CDKAL1: variants seen among roughly 807,000 people sequenced by gnomAD.
CDKAL1 encodes the protein CDKAL1 threonylcarbamoyladenosine tRNA methylthiotransferase.
Under a neutral mutation model 68.2 loss-of-function variants are expected in CDKAL1, and 32 were observed. The ratio of observed to expected loss-of-function variants is 0.47; its 90% CI spans 0.35 to 0.63. The LOEUF (loss-of-function observed/expected upper bound fraction) is 0.63, where lower values mean the gene tolerates loss of function less well. Ranked by LOEUF, CDKAL1 falls within the 30% of genes least tolerant of loss-of-function variation. The pLI is 0.00. For missense variants in CDKAL1, 606 were observed against 696.7 expected (o/e 0.87, Z 1.47); for synonymous variants, 234 against 244.3 (o/e 0.96, Z 0.39).
intron 10 of CDKAL1, among the ~76,000 whole-genome samples, chr6:20,982,109 T>C (rs1245806140): frequency 1.3e-5 from 2 of 151,928 alleles, no homozygotes; most frequent in African/African-American, 4.8e-5. Flanking sequence ...CTCTCTTGCC[T>C]AGGCTGGAGT....
At chr6:21,146,104 CTCCTTAATGGG>C (rs1225299288) in intron 13 of CDKAL1, among the ~76,000 whole-genome samples, 1 of 152,308 alleles carries the variant, frequency 6.6e-6, no homozygotes, top group East Asian at 1.9e-4. Flanking sequence ...TCCTCCTCCT[CTCCTTAATGGG>C]TCTGGACTGC....
intron 9 of CDKAL1, among the ~76,000 whole-genome samples, chr6:20,942,270 A>G (rs1047176352): frequency 2.0e-5 from 3 of 150,590 alleles, no homozygotes; most frequent in Admixed American, 1.3e-4. Flanking sequence ...TTATATTTCC[A>G]TTTCCTCTTC....
At chr6:20,919,797 C>T (rs78020437) in intron 9 of CDKAL1, among the ~76,000 whole-genome samples, 3,801 of 152,282 alleles carry the variant, frequency 0.025, 147 homozygotes, top group African/African-American at 0.085. Flanking sequence ...GAACCATCCT[C>T]CCACAATAGA....
At chr6:20,824,930 T>TAGGAAAAAG (rs1194206339) in intron 8 of CDKAL1, among the ~76,000 whole-genome samples, 7 of 152,176 alleles carry the variant, frequency 4.6e-5, no homozygotes, top group Admixed American at 1.3e-4. Flanking sequence ...TTTGTGATAA[T>TAGGAAAAAG]TAGCTAATAT....
At chr6:21,074,944 GT>G (rs534052246) in intron 12 of CDKAL1, among the ~76,000 whole-genome samples, 30 of 147,524 alleles carry the variant, frequency 2.0e-4, no homozygotes, top group South Asian at 4.3e-4. Context: ...ATGTAGTGGT[GT>G]TTTTTTTTTA....
intron 7 of CDKAL1, among the ~76,000 whole-genome samples, chr6:20,770,737 C>A (rs184299530): frequency 1.1e-3 from 160 of 152,280 alleles, no homozygotes; most frequent in African/African-American, 3.4e-3. Flanking sequence ...CTTAATAAAT[C>A]TTTTAAGTGA....
At chr6:21,023,358 G>A (rs967606119) in intron 11 of CDKAL1, among the ~76,000 whole-genome samples, 4 of 152,102 alleles carry the variant, frequency 2.6e-5, no homozygotes, top group African/African-American at 7.2e-5. Flanking sequence ...AACTTGAGAA[G>A]GTGATCCAAG....
rs187661095 is a variant in CDKAL1 at position 20,837,838 on chromosome 6, A to G, written c.639-8237A>G. Reference sequence around the variant, plus strand: ...ATTCAGTAAATCTGATAAGGGGGCCAGGTATGTGTACCTAAAAAGAAAAAA... The same window carrying G: ...ATTCAGTAAATCTGATAAGGGGGCCGGGTATGTGTACCTAAAAAGAAAAAA... On this transcript the variant is annotated intron_variant, in intron 8 of 15. Transcript: ENST00000274695. Among the ~76,000 whole-genome samples the G allele has an allele frequency of 2.8e-4, 42 of 151,570 alleles. 1 individual carries two copies. Among genetic ancestry groups the G allele is most frequent in the African/African-American group, 8.7e-4 (36 of 41,406 alleles).
intron 13 of CDKAL1, among the ~76,000 whole-genome samples, chr6:21,142,029 T>G (rs1369338005): frequency 7.2e-5 from 11 of 151,972 alleles, no homozygotes; most frequent in Non-Finnish European, 7.4e-5. Context: ...GGATCCAAAA[T>G]TTTTTTTTCC....
At chr6:21,157,142 A>G (rs761587227) in intron 13 of CDKAL1, among the ~76,000 whole-genome samples, 24 of 152,328 alleles carry the variant, frequency 1.6e-4, no homozygotes, top group Non-Finnish European at 2.5e-4. Context: ...TATGAGCTCT[A>G]TGACCTTGGA....
intron 11 of CDKAL1, among the ~76,000 whole-genome samples, chr6:21,010,251 C>T (rs1218608510): frequency 6.6e-6 from 1 of 152,084 alleles, no homozygotes; most frequent in African/African-American, 2.4e-5. Flanking sequence ...TATAAAACTG[C>T]AGAGTTTCTT....
At chr6:20,693,901 C>A (rs1307627302) in intron 5 of CDKAL1, among the ~76,000 whole-genome samples, 1 of 149,334 alleles carries the variant, frequency 6.7e-6, no homozygotes, top group Non-Finnish European at 1.5e-5. Context: ...AAGACAAGAT[C>A]TCTCTGTGTC....
In CDKAL1 at chr6:21,198,056, A is replaced by G. The variant is rs1778540241; in HGVS notation, c.1335A>G (p.Glu445=). 2 of 1,607,300 alleles carry G rather than the reference A, an allele frequency of 1.2e-6. No individual in the cohort carries two copies. The highest frequency in any genetic ancestry group is 1.7e-6 in the Non-Finnish European group (2 of 1,176,748). Residue 445 remains glutamate (E), a synonymous_variant, in exon 14 of 16, where the codon GAA becomes GAG. Transcript: ENST00000274695. ...GERQQVLVTE[E]SFDSKFYVAH... ...GACAACAAGTGTTAGTAACAGAAGA[A>G]TCTTTTGATTCCAAGTTTTATGTTG...
At chr6:20,616,906 G>T (rs939737623) in intron 4 of CDKAL1, among the ~76,000 whole-genome samples, 11 of 145,256 alleles carry the variant, frequency 7.6e-5, no homozygotes, top group South Asian at 2.2e-4. Context: ...TGGACATGAT[G>T]GTGTGCACCT....
intron 9 of CDKAL1, among the ~76,000 whole-genome samples, chr6:20,890,687 C>G (rs981870514): frequency 1.3e-5 from 2 of 152,118 alleles, no homozygotes; most frequent in Non-Finnish European, 2.9e-5. Context: ...TGGGGAGATT[C>G]TGCGTCAGCG....
In CDKAL1 at chr6:20,546,460, A is replaced by G. The variant is rs752353687; in HGVS notation, c.110A>G (p.Lys37Arg). ...TTTGTAAGAAAGGATGTTGTCCCGA[A>G]GGTACGAAGGCGAAATACCCAAAAA... ...RHFVRKDVVP[K>R]VRRRNTQKYL... is the part of the protein sequence containing the mutation. Residue 37 changes from lysine to arginine, a missense_variant, in exon 3 of 16, where the codon AAG becomes AGG. Lys to Arg is a conservative substitution (Grantham distance 26). Coordinates refer to ENST00000274695, the MANE Select transcript of CDKAL1 (RefSeq NM_017774.3). The G allele has an allele frequency of 9.3e-6, 15 of 1,614,200 alleles. No homozygotes were observed. Among genetic ancestry groups the G allele is most frequent in the Non-Finnish European group, 1.3e-5 (15 of 1,180,002 alleles).
At chr6:21,079,687 A>G (rs549833250) in intron 12 of CDKAL1, among the ~76,000 whole-genome samples, 3 of 152,178 alleles carry the variant, frequency 2.0e-5, no homozygotes, top group Non-Finnish European at 4.4e-5. Context: ...GGCAATATAA[A>G]TTGATTTTGC....
intron 5 of CDKAL1, among the ~76,000 whole-genome samples, chr6:20,684,972 A>G (rs1770553002): frequency 6.6e-6 from 1 of 152,176 alleles, no homozygotes; most frequent in Non-Finnish European, 1.5e-5. Context: ...TTTTCTTGAC[A>G]ATATCTTTTG....
chr6:21,125,586 C>A lies in CDKAL1; in HGVS notation c.1299+17123C>A, dbSNP rs190385878. Reference sequence around the variant, plus strand: ...ACTCGGGAGGCTGAGGCAGGAGAATCGCTTGAACCCGGCGGGGGTGGGGCG... The same window carrying A: ...ACTCGGGAGGCTGAGGCAGGAGAATAGCTTGAACCCGGCGGGGGTGGGGCG... On this transcript the variant is annotated intron_variant, in intron 13 of 15. Coordinates refer to ENST00000274695, the MANE Select transcript of CDKAL1 (RefSeq NM_017774.3). Among the ~76,000 whole-genome samples, 175 of 152,206 alleles carry A rather than the reference C, an allele frequency of 1.1e-3. 1 individual carries two copies. Among genetic ancestry groups the A allele is most frequent in the Admixed American group, 3.5e-3 (54 of 15,290 alleles).
Sources: gnomAD v4.1 joint callset for allele counts (sites outside exome capture counted in the v4.1 genomes callset) on GRCh38, gnomAD v4.1.1 for gene constraint, MANE v1.5 for transcripts, NCBI Gene and HGNC (gene_info 2026-07-23, HGNC 2026-07-21) for gene names.